PRKACB: variants seen among roughly 807,000 people sequenced by gnomAD.
PRKACB encodes cAMP-dependent protein kinase catalytic subunit beta.
In PRKACB, 16 loss-of-function variants were observed where a neutral mutation model predicts 51.4. That is an observed-to-expected ratio of 0.31 (90% CI 0.21 to 0.47). The LOEUF (loss-of-function observed/expected upper bound fraction) is 0.47, where lower values mean the gene tolerates loss of function less well. Ranked by LOEUF, PRKACB falls within the 20% of genes least tolerant of loss-of-function variation. The pLI is 1.00. For synonymous variants in PRKACB, 147 were observed against 154.4 expected, an observed-to-expected ratio of 0.95 and a Z score of 0.35; for missense variants, 309 against 464.5, an observed-to-expected ratio of 0.67 and a Z score of 3.08.
Position 84,235,227 on chromosome 1 carries a change from C to T in PRKACB, c.1119C>T (p.Ser373=), listed in dbSNP as rs1676546246. ...IPKFRGSGDT[S]NFDDYEEEDI... ...AGTTTAGAGGCTCTGGAGATACCAG[C>T]AACTTTGATGACTATGAAGAAGAAG... is the stretch of plus-strand genomic sequence containing the variant. Residue 373 remains serine, a synonymous_variant, in exon 10 of 10, where the codon AGC becomes AGT. Transcript: ENST00000370685. 1.9e-6 allele frequency: 3 copies of T among 1,613,754 alleles called. No individual in the cohort carries two copies. Among genetic ancestry groups the T allele is most frequent in the Non-Finnish European group, 2.5e-6 (3 of 1,179,710 alleles).
rs1356486855 is a variant in PRKACB at position 84,237,434 on chromosome 1, AT to A, written c.*2136del. The A allele has an allele frequency of 2.0e-5, 3 of 152,428 alleles. No individual in the cohort carries two copies. The highest frequency in any genetic ancestry group is 1.3e-4 in the Admixed American group (2 of 15,250). The allele number at this position is 152,428 out of a possible 1,614,324, so 9.4% of individuals were successfully genotyped here. A position where few individuals can be genotyped will look rare whatever the true frequency, so the allele number is the denominator to read the frequency against. ...AAGATTTCTATGAATTCTAAAAAAT[AT>A]TTTTTTCTATGAAATTACTAGTGCC... On this transcript the variant is annotated 3_prime_UTR_variant, in exon 10 of 10. Transcript: ENST00000370685.
rs190425316 is a variant in PRKACB at position 84,235,224 on chromosome 1, C to T, written c.1116C>T (p.Thr372=). The change falls in exon 10 of 10, where the codon ACC becomes ACT. Residue 372 remains threonine, a synonymous_variant. Transcript: ENST00000370685. ...FIPKFRGSGD[T]SNFDDYEEED... The stretch of plus-strand genomic sequence containing the variant: ...CAAAGTTTAGAGGCTCTGGAGATAC[C>T]AGCAACTTTGATGACTATGAAGAAG... 55 of 1,613,746 alleles carry T rather than the reference C, an allele frequency of 3.4e-5. No individual in the cohort carries two copies. The East Asian group carries it at 1.1e-3, about 33-fold the overall frequency.
At chr1:84,112,337 A>G (rs1482392730) in intron 1 of PRKACB, among the ~76,000 whole-genome samples, 2 of 151,330 alleles carry the variant, frequency 1.3e-5, no homozygotes, top group African/African-American at 2.4e-5. Context: ...GGTTCAAGCA[A>G]TTCTGCTGCC....
chr1:84,187,713 T>G (rs1665581332), intron 5 of PRKACB, among the ~76,000 whole-genome samples: 1 of 152,136 alleles, frequency 6.6e-6, no homozygotes, highest in African/African-American at 2.4e-5. Context: ...ATGTACAGAC[T>G]TACAGTCTAA....
chr1:84,126,420 G>A (rs77770528), intron 1 of PRKACB, among the ~76,000 whole-genome samples: 2,540 of 152,224 alleles, frequency 0.017, 32 homozygotes, highest in Non-Finnish European at 0.025. Context: ...ACTCTTCTGC[G>A]AAGTCCTGCT....
Position 84,214,328 on chromosome 1 carries a change from CT to C in PRKACB, c.1071+17del, listed in dbSNP as rs1209526413. The C allele has an allele frequency of 6.5e-7, 1 of 1,549,604 alleles. No homozygotes were observed. ...ATTTACCAGAGGAAGGTGAGACTTT[CT>C]TTTTTAATTTAAAAGCTTTTTTAAA... On this transcript the variant is annotated intron_variant, in intron 9 of 9. Coordinates refer to ENST00000370685, the MANE Select transcript of PRKACB (RefSeq NM_182948.4).
At chr1:84,078,544 C>T (rs1446202046) in intron 1 of PRKACB, among the ~76,000 whole-genome samples, 2 of 152,212 alleles carry the variant, frequency 1.3e-5, no homozygotes, top group African/African-American at 2.4e-5. Context: ...TTCCGACCCC[C>T]CAGCTCCGCG....
intron 1 of PRKACB, among the ~76,000 whole-genome samples, chr1:84,162,849 C>T (rs1003869131): frequency 1.3e-5 from 2 of 151,998 alleles, no homozygotes; most frequent in African/African-American, 4.8e-5. Flanking sequence ...GTGGATCACA[C>T]AAGTTTTTGT....
chr1:84,177,660 T>G (rs894032090), intron 1 of PRKACB, among the ~76,000 whole-genome samples: 1 of 152,034 alleles, frequency 6.6e-6, no homozygotes, highest in African/African-American at 2.4e-5. Flanking sequence ...ACGGATTGCT[T>G]GAGCCTAGTA....
At chr1:84,102,206 TA>T (rs879554698) in intron 1 of PRKACB, among the ~76,000 whole-genome samples, 733 of 134,692 alleles carry the variant, frequency 5.4e-3, no homozygotes, top group Middle Eastern at 7.4e-3. Context: ...CCATCTCTAC[TA>T]AAAAAAAAAA....
chr1:84,183,686 A>G (rs913713872), intron 3 of PRKACB, among the ~76,000 whole-genome samples: 2 of 151,830 alleles, frequency 1.3e-5, no homozygotes, highest in African/African-American at 2.4e-5. Flanking sequence ...AAGTAATTAT[A>G]TATTTATTTA....
intron 8 of PRKACB, among the ~76,000 whole-genome samples, chr1:84,212,244 G>A (rs1672241456): frequency 6.6e-6 from 1 of 152,048 alleles, no homozygotes; most frequent in African/African-American, 2.4e-5. Flanking sequence ...CAGGCCCAAT[G>A]CCCCCATCAT....
intron 5 of PRKACB, among the ~76,000 whole-genome samples, chr1:84,190,103 T>G (rs1220744948): frequency 1.3e-5 from 2 of 151,974 alleles, no homozygotes; most frequent in Middle Eastern, 6.8e-3. Flanking sequence ...CCACCTAATA[T>G]ACTTTTCATA....
intron 9 of PRKACB, among the ~76,000 whole-genome samples, chr1:84,217,729 G>T (rs1673082074): frequency 2.0e-5 from 3 of 152,122 alleles, no homozygotes; most frequent in African/African-American, 7.2e-5. Flanking sequence ...AGAGGTCAAG[G>T]CTGCAGTGAG....
intron 1 of PRKACB, chr1:84,164,886 C>A: frequency 6.9e-7 from 1 of 1,448,622 alleles, no homozygotes; most frequent in Non-Finnish European, 9.1e-7. Flanking sequence ...TTTCTGTGTG[C>A]TGCATGCTCC....
chr1:84,216,590 T>G (rs1467287176), intron 9 of PRKACB, among the ~76,000 whole-genome samples: 1 of 152,128 alleles, frequency 6.6e-6, no homozygotes, highest in East Asian at 1.9e-4. Context: ...CATAAAAAAC[T>G]TTATTTTTTA....
At chr1:84,131,133 G>T (rs1260819181) in intron 1 of PRKACB, among the ~76,000 whole-genome samples, 1 of 152,092 alleles carries the variant, frequency 6.6e-6, no homozygotes, top group Admixed American at 6.5e-5. Flanking sequence ...GAGGCAGGGG[G>T]ATCACCTGAG....
chr1:84,166,991 C>T (rs1266306354), intron 1 of PRKACB, among the ~76,000 whole-genome samples: 3 of 151,528 alleles, frequency 2.0e-5, no homozygotes, highest in Admixed American at 6.6e-5. Context: ...TCTCACTGCC[C>T]ATACAGGAAG....
chr1:84,221,983 A>G (rs1290067773), intron 9 of PRKACB, among the ~76,000 whole-genome samples: 3 of 152,008 alleles, frequency 2.0e-5, no homozygotes, highest in Admixed American at 6.6e-5. Flanking sequence ...TTTTTGGTTG[A>G]TTCTCTCTCT....
Sources: allele counts gnomAD v4.1 joint callset (sites outside exome capture counted in the v4.1 genomes callset), GRCh38; gene constraint gnomAD v4.1.1; transcripts MANE v1.5; gene names NCBI Gene and HGNC (gene_info 2026-07-23, HGNC 2026-07-21).